The following SNX29 variants were observed in gnomAD, a reference collection of about 807,000 sequenced individuals.
The protein encoded by SNX29 is sorting nexin-29.
Under a neutral mutation model 102.1 loss-of-function variants are expected in SNX29, and 78 were observed. The observed-to-expected ratio is 0.76, with a 90% confidence interval of 0.64 to 0.92. The LOEUF (loss-of-function observed/expected upper bound fraction) is 0.92, where lower values mean the gene tolerates loss of function less well. Among genes scored for constraint, SNX29 ranks in the 40% least tolerant of loss-of-function variants. The pLI, the probability that SNX29 is intolerant of heterozygous loss-of-function variation, is 0.00. For missense variants in SNX29, 1,280 were observed against 1,061.7 expected (o/e 1.21, Z -2.86); for synonymous variants, 580 against 414.5 (o/e 1.40, Z -4.85).
intron 16 of SNX29, among the ~76,000 whole-genome samples, chr16:12,358,211 A>G (rs1597060608): frequency 6.6e-6 from 1 of 152,182 alleles, no homozygotes; most frequent in Non-Finnish European, 1.5e-5. Context: ...TTTGTGTGCA[A>G]AAGTTCCTGC....
chr16:12,008,291 T>C (rs1482474972), intron 3 of SNX29, among the ~76,000 whole-genome samples: 1 of 151,368 alleles, frequency 6.6e-6, no homozygotes, highest in Non-Finnish European at 1.5e-5. Flanking sequence ...TTTTTTGAGA[T>C]GGAGTTTCGC....
intron 9 of SNX29, 143 bp from the exon 10 acceptor site, chr16:12,068,914 A>T: frequency 2.9e-6 from 2 of 681,626 alleles, no homozygotes; most frequent in Non-Finnish European, 5.1e-6. Context: ...AGCTGATTAA[A>T]ATCCAGCTTG....
intron 18 of SNX29, among the ~76,000 whole-genome samples, chr16:12,460,740 C>T (rs1245003378): frequency 2.0e-5 from 3 of 151,378 alleles, no homozygotes; most frequent in Admixed American, 2.0e-4. Context: ...TCAATGCAAC[C>T]TCCGCCTCCC....
intron 4 of SNX29, chr16:12,029,615 G>A (rs1218920066): frequency 2.2e-6 from 1 of 450,912 alleles, no homozygotes; most frequent in South Asian, 1.6e-5. Flanking sequence ...TTTTTTAGAT[G>A]GAGCCTCACT....
At chr16:12,520,054 G>A (rs2090038091) in intron 19 of SNX29, among the ~76,000 whole-genome samples, 1 of 152,156 alleles carries the variant, frequency 6.6e-6, no homozygotes, top group Admixed American at 6.6e-5. Flanking sequence ...CACAGTCACA[G>A]GCAGGAATAT....
chr16:12,287,366 GTCTC>G (rs567786424), intron 15 of SNX29, among the ~76,000 whole-genome samples: 1 of 152,170 alleles, frequency 6.6e-6, no homozygotes, highest in African/African-American at 2.4e-5. Context: ...TCTCACAGGT[GTCTC>G]TCTGTTTTTT....
At chr16:12,117,270 A>G in intron 11 of SNX29, among the ~76,000 whole-genome samples, 3 of 147,886 alleles carry the variant, frequency 2.0e-5, no homozygotes, top group African/African-American at 7.5e-5. Flanking sequence ...GGCGTGGTCA[A>G]TACGTGCTTC....
At chr16:12,115,222 G>A (rs994487116) in intron 11 of SNX29, among the ~76,000 whole-genome samples, 1 of 152,102 alleles carries the variant, frequency 6.6e-6, no homozygotes, top group African/African-American at 2.4e-5. Flanking sequence ...TGCTGCTGGT[G>A]TTGTCTTCTT....
chr16:12,082,422 G>T (rs1196141130), intron 11 of SNX29, among the ~76,000 whole-genome samples: 2 of 152,120 alleles, frequency 1.3e-5, no homozygotes, highest in Non-Finnish European at 2.9e-5. Flanking sequence ...TGGTGTCTGG[G>T]CCTTCCTCAG....
chr16:12,438,981 T>A (rs2085669861), intron 18 of SNX29, among the ~76,000 whole-genome samples: 1 of 152,162 alleles, frequency 6.6e-6, no homozygotes, highest in African/African-American at 2.4e-5. Flanking sequence ...CGGACAGGAT[T>A]GTCCACCTGC....
intron 14 of SNX29, among the ~76,000 whole-genome samples, chr16:12,228,081 G>C (rs1319478750): frequency 6.6e-6 from 1 of 152,118 alleles, no homozygotes; most frequent in Non-Finnish European, 1.5e-5. Context: ...TTCAAGACCA[G>C]ACTGGGCAAC....
intron 16 of SNX29, among the ~76,000 whole-genome samples, chr16:12,356,825 G>C (rs1419692106): frequency 6.6e-6 from 1 of 152,316 alleles, no homozygotes; most frequent in South Asian, 2.1e-4. Context: ...AGCGTCCCTG[G>C]GTTCCACCCA....
At chr16:12,323,802 C>T (rs1166226620) in intron 15 of SNX29, among the ~76,000 whole-genome samples, 2 of 152,110 alleles carry the variant, frequency 1.3e-5, no homozygotes, top group Non-Finnish European at 2.9e-5. Flanking sequence ...GTGATGTGGA[C>T]CTCCCTCCCA....
At chr16:12,290,184 A>G (rs2079745777) in intron 15 of SNX29, among the ~76,000 whole-genome samples, 1 of 152,144 alleles carries the variant, frequency 6.6e-6, no homozygotes, top group Admixed American at 6.5e-5. Context: ...ACATGTTCAC[A>G]TGTTAAAGTA....
chr16:12,554,544 G>A (rs76862817), intron 20 of SNX29, among the ~76,000 whole-genome samples: 2,332 of 152,278 alleles, frequency 0.015, 55 homozygotes, highest in African/African-American at 0.053. Context: ...CCACGTTTTT[G>A]TGAACTTGTT....
chr16:12,295,152 G>C (rs1024295799), intron 15 of SNX29, among the ~76,000 whole-genome samples: 1 of 152,196 alleles, frequency 6.6e-6, no homozygotes, highest in African/African-American at 2.4e-5. Flanking sequence ...AATTATGGGA[G>C]CTACAAGTCA....
intron 11 of SNX29, among the ~76,000 whole-genome samples, chr16:12,106,876 C>T (rs2053274244): frequency 6.6e-6 from 1 of 152,002 alleles, no homozygotes; most frequent in Non-Finnish European, 1.5e-5. Flanking sequence ...AGTGCAGTGG[C>T]ACGATTATGG....
At chr16:12,242,353 AT>A (rs1442866667) in intron 14 of SNX29, among the ~76,000 whole-genome samples, 2 of 113,902 alleles carry the variant, frequency 1.8e-5, no homozygotes, top group Non-Finnish European at 3.3e-5. Context: ...ATATATAATA[AT>A]ATATATATAT....
chr16:12,106,941 A>G lies in SNX29; in HGVS notation c.1403-19692A>G, dbSNP rs963463472. Among the ~76,000 whole-genome samples the G allele has an allele frequency of 2.0e-5, 3 of 150,750 alleles. No homozygotes were observed. The East Asian group carries it at 5.9e-4, about 30-fold the overall frequency. ...AGCAGTCTTCCCACTTTAGCCTCCC[A>G]AGTAGCTGGGACTACAGGTGCATGT... On this transcript the variant is annotated intron_variant, in intron 11 of 20. Transcript: ENST00000566228.
Sources: allele counts gnomAD v4.1 joint callset (sites outside exome capture counted in the v4.1 genomes callset), GRCh38; gene constraint gnomAD v4.1.1; transcripts MANE v1.5; gene names NCBI Gene and HGNC (gene_info 2026-07-23, HGNC 2026-07-21).